SPOCK3: variants seen among roughly 807,000 people sequenced by gnomAD.
SPOCK3 encodes SPARC (osteonectin), cwcv and kazal like domains proteoglycan 3.
A neutral mutation model predicts 56.6 loss-of-function variants in SPOCK3; 30 were observed. That is an observed-to-expected ratio of 0.53 (90% CI 0.40 to 0.72). The LOEUF (loss-of-function observed/expected upper bound fraction) is 0.72, where lower values mean the gene tolerates loss of function less well. Ranked by LOEUF, SPOCK3 falls within the 30% of genes least tolerant of loss-of-function variation. The pLI, the probability that SPOCK3 is intolerant of heterozygous loss-of-function variation, is 0.00. For synonymous variants in SPOCK3, 196 were observed against 183.3 expected (o/e 1.07, Z -0.56); for missense variants, 527 against 530.0 (o/e 0.99, Z 0.06).
chr4:166,893,020 C>A (rs911998049), intron 5 of SPOCK3, among the ~76,000 whole-genome samples: 1 of 152,056 alleles, frequency 6.6e-6, no homozygotes, highest in African/African-American at 2.4e-5. Flanking sequence ...TCACTCCCCC[C>A]TCAAATGTCA....
intron 7 of SPOCK3, among the ~76,000 whole-genome samples, chr4:166,781,719 A>G (rs1167173789): frequency 2.0e-5 from 3 of 152,116 alleles, no homozygotes; most frequent in African/African-American, 7.2e-5. Context: ...TATACAAACA[A>G]AATCTAGATG....
At chr4:166,739,833 G>T (rs926869583) in intron 9 of SPOCK3, among the ~76,000 whole-genome samples, 2 of 151,828 alleles carry the variant, frequency 1.3e-5, no homozygotes, top group African/African-American at 4.8e-5. Flanking sequence ...ATCTCAAAAA[G>T]TTTGAAAATT....
At chr4:166,950,324 C>G (rs1482572574) in intron 4 of SPOCK3, among the ~76,000 whole-genome samples, 1 of 151,154 alleles carries the variant, frequency 6.6e-6, no homozygotes, top group Non-Finnish European at 1.5e-5. Flanking sequence ...CAACAAAGAT[C>G]AAAAGAGACA....
At chr4:167,105,595 G>A (rs1760053184) in intron 2 of SPOCK3, among the ~76,000 whole-genome samples, 1 of 150,316 alleles carries the variant, frequency 6.7e-6, no homozygotes, top group East Asian at 1.9e-4. Flanking sequence ...AATGGCAGGA[G>A]CAAGTCCTTA....
chr4:167,012,863 G>C (rs1445619170), intron 3 of SPOCK3, among the ~76,000 whole-genome samples: 1 of 151,952 alleles, frequency 6.6e-6, no homozygotes, highest in Non-Finnish European at 1.5e-5. Context: ...ATAGGAAGAA[G>C]TGGTTTTCTT....
chr4:167,175,037 G>A (rs1730859300), intron 2 of SPOCK3, among the ~76,000 whole-genome samples: 2 of 152,070 alleles, frequency 1.3e-5, no homozygotes, highest in South Asian at 4.1e-4. Flanking sequence ...TGTTAGACAA[G>A]CTATTTTACC....
rs149969291 is a variant in SPOCK3, at chr4:166,877,834, T to C, written c.589+11296A>G. Among the ~76,000 whole-genome samples, 5 of 152,322 alleles carry C rather than the reference T, an allele frequency of 3.3e-5. No homozygotes were observed. In the East Asian group the frequency reaches 9.6e-4, roughly 29 times the overall value. On this transcript the variant is annotated intron_variant, in intron 6 of 10. Transcript: ENST00000357545. The stretch of plus-strand genomic sequence containing the variant: ...AAAAATAGTAGAAACAGTAATAATT[T>C]TGCCAATAAGTAGAAATTTGGTATA...
At chr4:167,029,260 A>G (rs555261671) in intron 3 of SPOCK3, among the ~76,000 whole-genome samples, 2 of 150,980 alleles carry the variant, frequency 1.3e-5, no homozygotes, top group Admixed American at 6.6e-5. Context: ...CCAAGTCACT[A>G]TTGATTTTTA....
chr4:167,095,335 A>G (rs1457465815), intron 2 of SPOCK3, among the ~76,000 whole-genome samples: 1 of 151,998 alleles, frequency 6.6e-6, no homozygotes, highest in East Asian at 1.9e-4. Flanking sequence ...TTATTGTACC[A>G]GTAGGATATT....
At chr4:167,134,360 A>C (rs747557971) in intron 2 of SPOCK3, among the ~76,000 whole-genome samples, 2 of 151,754 alleles carry the variant, frequency 1.3e-5, no homozygotes, top group Non-Finnish European at 2.9e-5. Context: ...CTTTTATTTA[A>C]ATTTTCCTGA....
intron 4 of SPOCK3, among the ~76,000 whole-genome samples, chr4:166,915,936 ACT>A (rs1473780722): frequency 1.3e-5 from 2 of 151,980 alleles, no homozygotes; most frequent in African/African-American, 4.8e-5. Context: ...TGGCTGAAAA[ACT>A]CTGAACATTT....
At chr4:166,735,940 A>G (rs1734174785) in intron 10 of SPOCK3, among the ~76,000 whole-genome samples, 1 of 152,038 alleles carries the variant, frequency 6.6e-6, no homozygotes, top group Non-Finnish European at 1.5e-5. Context: ...AAAAATAACT[A>G]TTAACACTTA....
At chr4:166,750,797 T>G (rs1736273174) in intron 8 of SPOCK3, among the ~76,000 whole-genome samples, 1 of 152,212 alleles carries the variant, frequency 6.6e-6, no homozygotes, top group Admixed American at 6.5e-5. Flanking sequence ...GTTACTACAA[T>G]ACAAAGTATG....
At chr4:167,102,922 G>GAA (rs55740507) in intron 2 of SPOCK3, among the ~76,000 whole-genome samples, 1,325 of 62,474 alleles carry the variant, frequency 0.021, 35 homozygotes, top group African/African-American at 0.026. Context: ...ATAGCTTGCA[G>GAA]AAAAAAAAAA....
chr4:167,062,426 C>A, intron 3 of SPOCK3, 66 bp downstream of exon 3: 1 of 1,279,200 alleles, frequency 7.8e-7, no homozygotes, highest in South Asian at 1.3e-5. Context: ...CAGTAAATAT[C>A]ATTTCTAAAA....
intron 4 of SPOCK3, among the ~76,000 whole-genome samples, chr4:166,954,820 C>T (rs1015555399): frequency 6.6e-5 from 10 of 152,164 alleles, no homozygotes; most frequent in African/African-American, 1.2e-4. Flanking sequence ...AACTCCATCC[C>T]CCACCCGCAG....
At chr4:166,844,707 T>C (rs1396812665) in intron 6 of SPOCK3, among the ~76,000 whole-genome samples, 1 of 150,404 alleles carries the variant, frequency 6.6e-6, no homozygotes, top group Admixed American at 6.6e-5. Flanking sequence ...TACATATCTA[T>C]ACAGATATAC....
chr4:166,743,983 A>G (rs538043682), intron 8 of SPOCK3, among the ~76,000 whole-genome samples: 2 of 152,320 alleles, frequency 1.3e-5, no homozygotes, highest in African/African-American at 4.8e-5. Flanking sequence ...AGCCCACAGC[A>G]GCTCAAGGAG....
At chr4:167,178,833 A>C (rs766268105) in intron 2 of SPOCK3, among the ~76,000 whole-genome samples, 65 of 152,282 alleles carry the variant, frequency 4.3e-4, no homozygotes, top group Non-Finnish European at 8.2e-4. Context: ...TAATTAAAAT[A>C]AAATACATGG....
Sources: gnomAD v4.1 joint callset for allele counts (sites outside exome capture counted in the v4.1 genomes callset) on GRCh38, gnomAD v4.1.1 for gene constraint, MANE v1.5 for transcripts, NCBI Gene and HGNC (gene_info 2026-07-23, HGNC 2026-07-21) for gene names.